The following CEP131 variants were observed in gnomAD, a reference collection of about 807,000 sequenced individuals.
CEP131 encodes the protein centrosomal protein 131.
A neutral mutation model predicts 136.8 loss-of-function variants in CEP131; 99 were observed. The observed-to-expected ratio is 0.72, with a 90% CI of 0.62 to 0.86. CEP131 has a LOEUF of 0.86. Among genes scored for constraint, CEP131 ranks in the 40% least tolerant of loss-of-function variants. The pLI is 0.00. For synonymous variants in CEP131, 646 were observed against 612.7 expected, an observed-to-expected ratio of 1.05 and a Z score of -0.80; for missense variants, 1,459 against 1,463.0, an observed-to-expected ratio of 1.00 and a Z score of 0.04.
intron 15 of CEP131, among the ~76,000 whole-genome samples, chr17:81,196,172 G>A (rs545144657): frequency 6.6e-4 from 101 of 152,312 alleles, no homozygotes; most frequent in Non-Finnish European, 2.9e-4. Flanking sequence ...TGGGGGACCC[G>A]GCGAATGTCA....
At chr17:81,200,196 G>T (rs1008771903) in intron 8 of CEP131, 133 bp downstream of exon 8, 5 of 729,996 alleles carry the variant, frequency 6.8e-6, no homozygotes, top group African/African-American at 1.8e-5. Flanking sequence ...GGTCAAGAAG[G>T]ATGCTGCACC....
chr17:81,191,222 C>T lies in CEP131; in HGVS notation c.2736G>A (p.Lys912=). The T allele has an allele frequency of 6.2e-7, 1 of 1,613,060 alleles. No homozygotes were observed. The highest frequency in any genetic ancestry group is 8.5e-7 in the Non-Finnish European group (1 of 1,179,972). Residue 912 remains lysine (K), a synonymous_variant, in exon 22 of 26, where the codon AAG becomes AAA. Transcript: ENST00000450824. ...HRLEADMALA[K]EESEKAAESR... is the part of the protein sequence containing the mutation. ...TCTCGGCAGCCTTCTCACTCTCCTC[C>T]TTGGCCAGCGCCATGTCGGCCTCCA...
chr17:81,210,217 A>G (rs1407585059), intron 2 of CEP131, among the ~76,000 whole-genome samples: 1 of 152,148 alleles, frequency 6.6e-6, no homozygotes, highest in African/African-American at 2.4e-5. Flanking sequence ...GGCCAGATGC[A>G]GTGGCTCACG....
Position 81,196,745 on chromosome 17 carries a change from G to C in CEP131, c.1855C>G (p.His619Asp), listed in dbSNP as rs777092393. The C allele has an allele frequency of 6.9e-6, 11 of 1,601,634 alleles. No individual in the cohort carries two copies. Among genetic ancestry groups the C allele is most frequent in the Non-Finnish European group, 9.4e-6 (11 of 1,176,412 alleles). ...LSRQLQRQRE[H>D]YEATIQRHLA... ...TGCCGCTGGATGGTGGCCTCGTAGT[G>C]CTCCCTCTGCCGCTGCAGCTGCCGG... Residue 619 changes from histidine to aspartate, a missense_variant, in exon 15 of 26, where the codon CAC becomes GAC. Around this residue, in one of 3 missense-constraint regions of CEP131, gnomAD observed 1,026 missense variants for 964.2 expected, o/e 1.06. Coordinates refer to ENST00000450824, the MANE Select transcript of CEP131 (RefSeq NM_014984.4).
chr17:81,196,885 TAGG>T, intron 14 of CEP131, 42 bp downstream of exon 14: 1 of 1,605,532 alleles, frequency 6.2e-7, no homozygotes, highest in Non-Finnish European at 8.5e-7. Flanking sequence ...CCTCAGCAGG[TAGG>T]AGGCTAGCAG....
chr17:81,190,942 G>T lies in CEP131; in HGVS notation c.2908C>A (p.Arg970=). Residue 970 remains arginine (R), a synonymous_variant, in exon 23 of 26, where the codon CGG becomes AGG. Transcript: ENST00000450824. ...TCCTCCAGCGCCCGCTCCTTCTGCCGCACAAGGCCCTGCAGACGCAGATTC... is the reference window on the plus strand; with the variant it reads ...TCCTCCAGCGCCCGCTCCTTCTGCCTCACAAGGCCCTGCAGACGCAGATTC... ...GENLRLQGLV[R]QKERALEDAQ... 1 of 1,604,820 alleles carries T rather than the reference G, an allele frequency of 6.2e-7. No homozygotes were observed. Among genetic ancestry groups the T allele is most frequent in the Non-Finnish European group, 8.5e-7 (1 of 1,179,750 alleles).
At chr17:81,192,245 TG>T in intron 21 of CEP131, 72 bp downstream of exon 21, 2 of 1,448,634 alleles carry the variant, frequency 1.4e-6, no homozygotes, top group Non-Finnish European at 1.9e-6. Context: ...AAAACCCACC[TG>T]GGGCAGCCCC....
intron 24 of CEP131, among the ~76,000 whole-genome samples, chr17:81,190,234 C>A (rs550388006): frequency 6.6e-6 from 1 of 152,318 alleles, no homozygotes; most frequent in Non-Finnish European, 1.5e-5. Context: ...ACCTCGCCCA[C>A]ACCCACCTCT....
At position 81,219,964 on chromosome 17, in the gene CEP131, C is replaced by G; in HGVS notation, c.93G>C (p.Arg31=). 2 of 1,612,118 alleles carry G rather than the reference C, an allele frequency of 1.2e-6. No homozygotes were observed. Among genetic ancestry groups the G allele is most frequent in the Non-Finnish European group, 1.7e-6 (2 of 1,179,260 alleles). The change falls in exon 2 of 26, where the codon CGG becomes CGC. Residue 31 remains arginine (R), a synonymous_variant. Transcript: ENST00000450824. The surrounding 1 kb of genome is among the most constrained non-coding windows in gnomAD (Gnocchi z 4.0). ...SLTGLPPPVS[R]RPGSAATTKP... ...TGGTGGTGGCGGCACTGCCAGGACGCCGGGACACAGGCGGAGGGAGACCTG... is the reference window on the plus strand; with the variant it reads ...TGGTGGTGGCGGCACTGCCAGGACGGCGGGACACAGGCGGAGGGAGACCTG...
In CEP131 at chr17:81,198,775, C is replaced by T. The variant is rs140429126; in HGVS notation, c.1287+102G>A. 230 of 1,198,502 alleles carry T rather than the reference C, an allele frequency of 1.9e-4. 1 individual carries two copies. In the East Asian group the frequency reaches 5.8e-3, roughly 30 times the overall value. 74.2% of individuals were successfully genotyped at this position (1,198,502 alleles called of 1,614,324 possible). On this transcript the variant is annotated intron_variant, in intron 11 of 25. Transcript: ENST00000450824. Reference sequence around the variant, plus strand: ...CTCTGAGCTTAAGTGGCCCCTAGAGCAGAGGAGGGGCTGGGAGAAGCTCAG... The same window carrying T: ...CTCTGAGCTTAAGTGGCCCCTAGAGTAGAGGAGGGGCTGGGAGAAGCTCAG...
chr17:81,213,275 TG>T (rs2062173984), intron 2 of CEP131, among the ~76,000 whole-genome samples: 2 of 152,108 alleles, frequency 1.3e-5, no homozygotes, highest in African/African-American at 4.8e-5. Context: ...AATTAATAAG[TG>T]GGGCCAGGTG....
intron 2 of CEP131, among the ~76,000 whole-genome samples, chr17:81,218,840 G>A (rs1172407264): frequency 6.6e-6 from 1 of 152,238 alleles, no homozygotes; most frequent in Admixed American, 6.5e-5. Flanking sequence ...ACCCTGGCCT[G>A]GGCCTGCCAG....
At position 81,203,950 on chromosome 17, in the gene CEP131, C is replaced by T. The variant is rs914012168; in HGVS notation, c.516-343G>A. ...CACAGAAGCGAAGCCCCATCCCACA[C>T]GACGGATGGAAGCCACATTCTCTGC... is the stretch of plus-strand genomic sequence containing the variant. On this transcript the variant is annotated intron_variant, in intron 5 of 25. Coordinates refer to ENST00000450824, the MANE Select transcript of CEP131 (RefSeq NM_014984.4). The surrounding 1 kb of genome is among the most constrained non-coding windows in gnomAD (Gnocchi z 4.6). 9 of 241,484 alleles carry T rather than the reference C, an allele frequency of 3.7e-5. No individual in the cohort carries two copies. The highest frequency in any genetic ancestry group is 5.4e-5 in the Admixed American group (1 of 18,542). 15.0% of individuals were successfully genotyped at this position (241,484 alleles called of 1,614,324 possible). A position where few individuals can be genotyped will look rare whatever the true frequency, so the allele number is the denominator to read the frequency against.
intron 21 of CEP131, among the ~76,000 whole-genome samples, chr17:81,191,537 A>C (rs2061642767): frequency 6.6e-6 from 1 of 152,146 alleles, no homozygotes; most frequent in Admixed American, 6.5e-5. Context: ...AGAGATCGTC[A>C]TGATGCACAG....
At position 81,220,045 on chromosome 17, in the gene CEP131, G is replaced by T; in HGVS notation, c.12C>A (p.Thr4=). The change falls in exon 2 of 26, where the codon ACC becomes ACA. Residue 4 remains threonine, a synonymous_variant. Transcript: ENST00000450824. ...GCTCCGGGACGCTGCCGATGGCCCG[G>T]GTGCCTTTCATGGTGGACAAGGCAG... is the stretch of plus-strand genomic sequence containing the variant. MKG[T]RAIGSVPERS... is the part of the protein sequence containing the mutation. The T allele has an allele frequency of 6.3e-7, 1 of 1,586,144 alleles. No individual in the cohort carries two copies. Among genetic ancestry groups the T allele is most frequent in the Non-Finnish European group, 8.6e-7 (1 of 1,167,380 alleles).
intron 7 of CEP131, among the ~76,000 whole-genome samples, chr17:81,201,787 A>G (rs1242242263): frequency 1.3e-5 from 2 of 152,122 alleles, no homozygotes; most frequent in African/African-American, 2.4e-5. Context: ...ACCACACCAC[A>G]TGGGGTCTGC....
intron 2 of CEP131, among the ~76,000 whole-genome samples, chr17:81,218,819 T>C (rs1431151347): frequency 6.6e-6 from 1 of 152,220 alleles, no homozygotes; most frequent in Non-Finnish European, 1.5e-5. Context: ...AAGCCTTTTA[T>C]TCACAGTGGA....
chr17:81,198,910 T>C lies in CEP131; in HGVS notation c.1254A>G (p.Pro418=), dbSNP rs937294982. 6 of 1,593,392 alleles carry C rather than the reference T, an allele frequency of 3.8e-6. No homozygotes were observed. The highest frequency in any genetic ancestry group is 5.1e-6 in the Non-Finnish European group (6 of 1,171,052). ...DRCLPTSDSS[P]EPQQPPEDRT... ...TGTCCTCTGGAGGCTGCTGTGGTTCTGGGGATGAGTCGGAGGTGGGCAGGC... is the reference window on the plus strand; with the variant it reads ...TGTCCTCTGGAGGCTGCTGTGGTTCCGGGGATGAGTCGGAGGTGGGCAGGC... The change falls in exon 11 of 26, where the codon CCA becomes CCG. Residue 418 remains proline, a synonymous_variant. Coordinates refer to ENST00000450824, the MANE Select transcript of CEP131 (RefSeq NM_014984.4).
intron 2 of CEP131, among the ~76,000 whole-genome samples, 190 bp from the exon 3 acceptor site, chr17:81,209,212 G>C (rs1174520191): frequency 6.6e-6 from 1 of 152,132 alleles, no homozygotes; most frequent in Non-Finnish European, 1.5e-5. Flanking sequence ...GGCAGCGCGA[G>C]GGGGGCTCAG....
Sources: gnomAD v4.1 joint callset for allele counts (sites outside exome capture counted in the v4.1 genomes callset) on GRCh38, gnomAD v4.1.1 for gene constraint, gnomAD v4.1.1 regional missense constraint, Gnocchi (gnomAD v3.1) non-coding constraint, MANE v1.5 for transcripts, NCBI Gene and HGNC (gene_info 2026-07-23, HGNC 2026-07-21) for gene names.